The following FRAS1 variants were observed in gnomAD, a reference collection of about 807,000 sequenced individuals.
FRAS1 encodes the protein Fraser extracellular matrix complex subunit 1.
A neutral mutation model predicts 435.2 loss-of-function variants in FRAS1; 290 were observed. That is an observed-to-expected ratio of 0.67 (90% confidence interval 0.61 to 0.73). FRAS1 has a LOEUF of 0.73. Among genes scored for constraint, FRAS1 ranks in the 30% least tolerant of loss-of-function variants. FRAS1 has a pLI of 0.00. For synonymous variants in FRAS1, 1,800 were observed against 1,851.0 expected (o/e 0.97, Z 0.71); for missense variants, 4,860 against 5,001.5 (o/e 0.97, Z 0.85).
At chr4:78,413,469 A>G (rs1439074373) in intron 32 of FRAS1, among the ~76,000 whole-genome samples, 2 of 152,182 alleles carry the variant, frequency 1.3e-5, no homozygotes, top group Non-Finnish European at 2.9e-5. Context: ...TCCATCTTCT[A>G]GAAGCCCTAT....
intron 41 of FRAS1, among the ~76,000 whole-genome samples, chr4:78,441,824 G>A (rs190909216): frequency 6.6e-6 from 1 of 152,264 alleles, no homozygotes; most frequent in Admixed American, 6.5e-5. Flanking sequence ...GAATTAAAAT[G>A]CAAGCTTGTC....
chr4:78,459,739 G>A (rs1042354492), intron 47 of FRAS1, among the ~76,000 whole-genome samples: 4 of 152,168 alleles, frequency 2.6e-5, no homozygotes, highest in Non-Finnish European at 4.4e-5. Context: ...TGAGATCAAG[G>A]TGTTGGTAGG....
rs145620973 is a variant in FRAS1, at chr4:78,121,167, A to T, written c.108+55151A>T. On this transcript the variant is annotated intron_variant, in intron 2 of 73. Coordinates refer to ENST00000512123, the MANE Select transcript of FRAS1 (RefSeq NM_025074.7). ...GTATTCCAGCGGTAAGCCTGATATG[A>T]CCTTTCTCCTTGAAGCAATAAGCCG... is the stretch of plus-strand genomic sequence containing the variant. Among the ~76,000 whole-genome samples, 68 of 152,192 alleles carry T rather than the reference A, an allele frequency of 4.5e-4. No homozygotes were observed. The East Asian group carries it at 0.013, about 29-fold the overall frequency.
At chr4:78,445,002 C>T (rs1484330) in intron 41 of FRAS1, among the ~76,000 whole-genome samples, 3,941 of 152,268 alleles carry the variant, frequency 0.026, 169 homozygotes, top group African/African-American at 0.09. Context: ...AAACATGCTG[C>T]AAATGTTTCT....
chr4:78,082,953 T>C (rs1295529282), intron 2 of FRAS1, among the ~76,000 whole-genome samples: 4 of 152,146 alleles, frequency 2.6e-5, no homozygotes, highest in Admixed American at 6.6e-5. Context: ...GAGATGTTAA[T>C]ATACCAGAAC....
At chr4:78,500,617 A>T (rs896918105) in intron 61 of FRAS1, among the ~76,000 whole-genome samples, 5 of 152,204 alleles carry the variant, frequency 3.3e-5, no homozygotes, top group African/African-American at 9.6e-5. Flanking sequence ...CAACAGTGCT[A>T]GGAGAACTTT....
chr4:78,498,787 G>A (rs867145417), intron 60 of FRAS1, among the ~76,000 whole-genome samples: 22 of 151,742 alleles, frequency 1.4e-4, no homozygotes, highest in Middle Eastern at 3.4e-3. Flanking sequence ...TTCCCCATGA[G>A]ATATAATAGA....
intron 58 of FRAS1, among the ~76,000 whole-genome samples, chr4:78,488,323 G>A (rs931451615): frequency 2.0e-5 from 3 of 152,198 alleles, no homozygotes; most frequent in Non-Finnish European, 4.4e-5. Flanking sequence ...GGCTTCATTT[G>A]AAAATAAGAT....
chr4:78,271,487 C>G (rs1396572534), intron 9 of FRAS1, among the ~76,000 whole-genome samples: 1 of 151,966 alleles, frequency 6.6e-6, no homozygotes, highest in Non-Finnish European at 1.5e-5. Flanking sequence ...ACAACAGGGC[C>G]TGGTGTGTGA....
chr4:78,283,136 G>A (rs1378277370), intron 12 of FRAS1, among the ~76,000 whole-genome samples, 169 bp downstream of exon 12: 1 of 150,186 alleles, frequency 6.7e-6, no homozygotes, highest in African/African-American at 2.4e-5. Context: ...ATCTTTGTCT[G>A]TGTAATTGCC....
At position 78,337,864 on chromosome 4, in the gene FRAS1, C is replaced by G; in HGVS notation, c.2422+47C>G. 6 of 1,606,824 alleles carry G rather than the reference C, an allele frequency of 3.7e-6. No homozygotes were observed. In the South Asian group the frequency reaches 4.4e-5, roughly 12 times the overall value. ...TCCTCGGAAATCACTGGGCAGCTGC[C>G]GGGGCTCTTCATACCAGGCTTAAGG... is the stretch of plus-strand genomic sequence containing the variant. On this transcript the variant is annotated intron_variant, in intron 20 of 73. Transcript: ENST00000512123.
intron 4 of FRAS1, among the ~76,000 whole-genome samples, chr4:78,250,948 C>T (rs978390130): frequency 6.6e-6 from 1 of 151,996 alleles, no homozygotes; most frequent in Admixed American, 6.5e-5. Flanking sequence ...CTTATAAATG[C>T]TTTTATATAT....
At chr4:78,128,509 A>G (rs1440019200) in intron 2 of FRAS1, among the ~76,000 whole-genome samples, 2 of 152,130 alleles carry the variant, frequency 1.3e-5, no homozygotes, top group Non-Finnish European at 2.9e-5. Context: ...GCCAGTGATG[A>G]TGAGCATTTT....
chr4:78,434,478 A>G (rs909536839), intron 38 of FRAS1, among the ~76,000 whole-genome samples: 1 of 152,190 alleles, frequency 6.6e-6, no homozygotes, highest in African/African-American at 2.4e-5. Flanking sequence ...GATAAAATTA[A>G]TCTTAAAACG....
At chr4:78,082,776 T>C (rs1342579137) in intron 2 of FRAS1, among the ~76,000 whole-genome samples, 1 of 113,636 alleles carries the variant, frequency 8.8e-6, no homozygotes, top group Non-Finnish European at 2.0e-5. Context: ...TTAAAAATTA[T>C]TTTTAATGAT....
At chr4:78,152,470 C>A (rs1720706808) in intron 2 of FRAS1, among the ~76,000 whole-genome samples, 1 of 152,116 alleles carries the variant, frequency 6.6e-6, no homozygotes, top group South Asian at 2.1e-4. Flanking sequence ...TAAATCGGTA[C>A]AGGCTTTAAT....
chr4:78,060,678 T>G (rs1421978690), intron 1 of FRAS1, among the ~76,000 whole-genome samples: 1 of 152,204 alleles, frequency 6.6e-6, no homozygotes, highest in East Asian at 1.9e-4. Flanking sequence ...TAACCTTGAA[T>G]GAACCATCTA....
At chr4:78,310,434 T>C (rs567545462) in intron 15 of FRAS1, among the ~76,000 whole-genome samples, 1 of 152,306 alleles carries the variant, frequency 6.6e-6, no homozygotes, top group South Asian at 2.1e-4. Flanking sequence ...GACTGGAGGC[T>C]GTAAGAGGTG....
At chr4:78,325,797 A>G (rs1352240712) in intron 18 of FRAS1, among the ~76,000 whole-genome samples, 1 of 152,222 alleles carries the variant, frequency 6.6e-6, no homozygotes, top group Non-Finnish European at 1.5e-5. Flanking sequence ...GGCTCTGTCT[A>G]GGAGGGAAGG....
Sources: allele counts gnomAD v4.1 joint callset (sites outside exome capture counted in the v4.1 genomes callset), GRCh38; gene constraint gnomAD v4.1.1; transcripts MANE v1.5; gene names NCBI Gene and HGNC (gene_info 2026-07-23, HGNC 2026-07-21).